TRPM3: variants seen among roughly 807,000 people sequenced by gnomAD.
TRPM3 encodes long transient receptor potential channel 3.
A neutral mutation model predicts 181.2 loss-of-function variants in TRPM3; 77 were observed. That is an observed-to-expected ratio of 0.42 (90% confidence interval 0.35 to 0.51). TRPM3 has a LOEUF of 0.51. TRPM3 is among the 20% of genes least tolerant of loss of function. The probability of loss-of-function intolerance (pLI) is 0.01; values close to 1 mark genes in which losing one functional copy is unlikely to be tolerated. For missense variants in TRPM3, 1,759 were observed against 2,196.7 expected, an observed-to-expected ratio of 0.80 and a Z score of 3.98; for synonymous variants, 745 against 796.4, an observed-to-expected ratio of 0.94 and a Z score of 1.09.
At chr9:71,019,328 A>G (rs2097821249) in intron 1 of TRPM3, among the ~76,000 whole-genome samples, 1 of 152,050 alleles carries the variant, frequency 6.6e-6, no homozygotes, top group African/African-American at 2.4e-5. Flanking sequence ...ATGACTAAAT[A>G]TAGAAAAGAA....
chr9:70,577,616 A>T (rs1056112800), intron 22 of TRPM3, among the ~76,000 whole-genome samples: 1 of 152,240 alleles, frequency 6.6e-6, no homozygotes, highest in Non-Finnish European at 1.5e-5. Flanking sequence ...TTAATAGAGA[A>T]TTCAGGCATC....
At chr9:71,127,236 T>C (rs1012472464) in intron 1 of TRPM3, among the ~76,000 whole-genome samples, 1 of 149,036 alleles carries the variant, frequency 6.7e-6, no homozygotes, top group African/African-American at 2.4e-5. Context: ...TTTTTAAACA[T>C]TGTTTCCTAA....
chr9:71,441,304 CT>C (rs1239659582), intron 1 of TRPM3, among the ~76,000 whole-genome samples: 1 of 151,806 alleles, frequency 6.6e-6, no homozygotes, highest in Non-Finnish European at 1.5e-5. Flanking sequence ...AACATTGTCC[CT>C]TTTTTATTTT....
intron 1 of TRPM3, among the ~76,000 whole-genome samples, chr9:71,063,526 T>C (rs922961865): frequency 6.6e-6 from 1 of 152,110 alleles, no homozygotes; most frequent in Non-Finnish European, 1.5e-5. Context: ...GAATGCCCTG[T>C]GGACTGTAAA....
intron 12 of TRPM3, among the ~76,000 whole-genome samples, chr9:70,627,883 C>T (rs1328849412): frequency 6.6e-6 from 1 of 152,080 alleles, no homozygotes; most frequent in East Asian, 1.9e-4. Context: ...TGAAGATTAT[C>T]TTTATCCATC....
intron 6 of TRPM3, among the ~76,000 whole-genome samples, chr9:70,787,263 C>T (rs1012823937): frequency 1.3e-5 from 2 of 152,106 alleles, no homozygotes; most frequent in South Asian, 2.1e-4. Context: ...TGAACACACA[C>T]ACACACATTT....
intron 6 of TRPM3, among the ~76,000 whole-genome samples, chr9:70,801,343 A>T (rs1188769931): frequency 1.3e-5 from 2 of 152,136 alleles, no homozygotes; most frequent in African/African-American, 4.8e-5. Flanking sequence ...TCCTGGGATC[A>T]AGTTTCTCGC....
intron 1 of TRPM3, among the ~76,000 whole-genome samples, chr9:71,286,814 G>A (rs2085311370): frequency 6.6e-6 from 1 of 151,164 alleles, no homozygotes; most frequent in Non-Finnish European, 1.5e-5. Context: ...TTTTCAAAAT[G>A]CCAACCCCTT....
chr9:70,540,453 A>T (rs2043011268), intron 25 of TRPM3, among the ~76,000 whole-genome samples: 1 of 152,148 alleles, frequency 6.6e-6, no homozygotes, highest in East Asian at 1.9e-4. Flanking sequence ...CTCTGTCCAC[A>T]TCCCACCCCT....
chr9:70,657,230 A>G (rs974799067), intron 9 of TRPM3, among the ~76,000 whole-genome samples: 1 of 148,994 alleles, frequency 6.7e-6, no homozygotes, highest in African/African-American at 2.4e-5. Context: ...CTTGTACACC[A>G]CTAAATAATT....
intron 1 of TRPM3, among the ~76,000 whole-genome samples, chr9:71,048,930 A>AT (rs1188840342): frequency 6.6e-6 from 1 of 152,194 alleles, no homozygotes; most frequent in Non-Finnish European, 1.5e-5. Context: ...AGCCTGAGCT[A>AT]TGGCTCCATT....
chr9:70,964,121 C>T (rs961584615), intron 1 of TRPM3, among the ~76,000 whole-genome samples: 3 of 152,050 alleles, frequency 2.0e-5, no homozygotes, highest in South Asian at 2.1e-4. Flanking sequence ...AAGTAGCATA[C>T]GCTGCCTGGG....
chr9:71,077,755 A>T (rs2063672488), intron 1 of TRPM3, among the ~76,000 whole-genome samples: 2 of 152,136 alleles, frequency 1.3e-5, no homozygotes. Flanking sequence ...CACTCACCTG[A>T]GGCAGGTATA....
intron 1 of TRPM3, among the ~76,000 whole-genome samples, chr9:71,345,196 T>A (rs566504425): frequency 6.6e-6 from 1 of 152,266 alleles, no homozygotes; most frequent in African/African-American, 2.4e-5. Flanking sequence ...TCCTCAAGGA[T>A]CTACAATCAG....
intron 1 of TRPM3, among the ~76,000 whole-genome samples, chr9:71,374,776 A>T (rs1478348864): frequency 6.6e-6 from 1 of 152,206 alleles, no homozygotes; most frequent in Non-Finnish European, 1.5e-5. Context: ...AATGTGCAGA[A>T]ATTGCTAGCA....
intron 5 of TRPM3, among the ~76,000 whole-genome samples, chr9:70,837,195 G>T (rs2094380452): frequency 6.6e-6 from 1 of 152,160 alleles, no homozygotes; most frequent in Non-Finnish European, 1.5e-5. Context: ...CTTATAATAT[G>T]AAGTCATATT....
chr9:70,581,957 TCCTTTCTTC>T (rs2055885508), intron 22 of TRPM3, among the ~76,000 whole-genome samples: 1 of 43,282 alleles, frequency 2.3e-5, no homozygotes, highest in Non-Finnish European at 6.7e-5. Context: ...GTCTTCTCCT[TCCTTTCTTC>T]CTTCCTTCTC....
intron 9 of TRPM3, among the ~76,000 whole-genome samples, chr9:70,641,471 G>C (rs2058051731): frequency 6.6e-6 from 1 of 152,162 alleles, no homozygotes; most frequent in Admixed American, 6.5e-5. Context: ...TTTTAACAGA[G>C]AGGCAAACCA....
chr9:71,131,501 T>C (rs2074372323), intron 1 of TRPM3, among the ~76,000 whole-genome samples: 1 of 152,204 alleles, frequency 6.6e-6, no homozygotes, highest in Non-Finnish European at 1.5e-5. Flanking sequence ...GTCTGGAACA[T>C]AATGGAAACT....
Sources: allele counts gnomAD v4.1 joint callset (sites outside exome capture counted in the v4.1 genomes callset), GRCh38; gene constraint gnomAD v4.1.1; transcripts MANE v1.5; gene names NCBI Gene and HGNC (gene_info 2026-07-23, HGNC 2026-07-21).